Variants in MED16 observed in about 807,000 individuals in gnomAD.
MED16 encodes mediator complex subunit 16.
In MED16, 81 loss-of-function variants were observed where a neutral mutation model predicts 84.4. The observed-to-expected ratio is 0.96, with a 90% CI of 0.80 to 1.15. MED16 has a LOEUF of 1.15. Ranked by LOEUF, MED16 falls within the 50% of genes most tolerant of loss-of-function variation. The probability of loss-of-function intolerance (pLI) is 0.00; values close to 1 mark genes in which losing one functional copy is unlikely to be tolerated. For synonymous variants in MED16, 897 were observed against 552.2 expected (o/e 1.62, Z -8.76); for missense variants, 1,585 against 1,245.9 (o/e 1.27, Z -4.10).
intron 10 of MED16, among the ~76,000 whole-genome samples, chr19:874,345 C>T (rs567793288): frequency 2.6e-5 from 4 of 152,326 alleles, no homozygotes; most frequent in Admixed American, 1.3e-4. Flanking sequence ...ATCTCCTGAC[C>T]TCGTGATCAG....
At chr19:874,174 G>T (rs1037029767) in intron 10 of MED16, among the ~76,000 whole-genome samples, 5 of 151,798 alleles carry the variant, frequency 3.3e-5, no homozygotes, top group Non-Finnish European at 5.9e-5. Context: ...AGTGCAGTGG[G>T]GTGATCTCAG....
At chr19:869,424 G>C (rs948512374) in intron 13 of MED16, among the ~76,000 whole-genome samples, 1 of 151,882 alleles carries the variant, frequency 6.6e-6, no homozygotes, top group Non-Finnish European at 1.5e-5. Flanking sequence ...GGTGGGTGGG[G>C]GACCTGGGTC....
chr19:887,160 G>C (rs1013753166), intron 4 of MED16, among the ~76,000 whole-genome samples: 2 of 151,816 alleles, frequency 1.3e-5, no homozygotes, highest in African/African-American at 2.4e-5. Flanking sequence ...CATACGTATC[G>C]TACGGCTCCA....
At chr19:872,309 G>A (rs1039364407) in intron 11 of MED16, among the ~76,000 whole-genome samples, 191 bp from the exon 12 acceptor site, 1 of 151,968 alleles carries the variant, frequency 6.6e-6, no homozygotes, top group Non-Finnish European at 1.5e-5. Flanking sequence ...AGCCCTGCAG[G>A]GCCCAGGACA....
chr19:879,926 C>G lies in MED16; in HGVS notation c.1353+11G>C. 2 of 1,589,696 alleles carry G rather than the reference C, an allele frequency of 1.3e-6. No individual in the cohort carries two copies. Among genetic ancestry groups the G allele is most frequent in the Non-Finnish European group, 8.5e-7 (1 of 1,169,968 alleles). ...CCACCAGCCCCGGCCCCACGTGCCCCAGCAGCTCACCTTCCCGTGGCTGTC... is the reference window on the plus strand; with the variant it reads ...CCACCAGCCCCGGCCCCACGTGCCCGAGCAGCTCACCTTCCCGTGGCTGTC... On this transcript the variant is annotated intron_variant, in intron 8 of 15. Coordinates refer to ENST00000325464, the MANE Select transcript of MED16 (RefSeq NM_005481.3).
At position 873,429 on chromosome 19, in the gene MED16, TAGG is replaced by T; in HGVS notation, c.1905+17_1905+19del. 6.2e-7 allele frequency: 1 copy of T among 1,601,490 alleles called. No homozygotes were observed. Among genetic ancestry groups the T allele is most frequent in the East Asian group, 2.2e-5 (1 of 44,684 alleles). On this transcript the variant is annotated intron_variant, in intron 11 of 15. Transcript: ENST00000325464. Reference sequence around the variant, plus strand: ...GGGGCCCAGGTGGGGGGCGGGGCCTTAGGGGAGAGCATGGCGCACCTGGTTGGG... The same window carrying T: ...GGGGCCCAGGTGGGGGGCGGGGCCTTGGAGAGCATGGCGCACCTGGTTGGG...
intron 14 of MED16, 133 bp from the exon 15 acceptor site, chr19:868,632 C>T: frequency 7.9e-7 from 1 of 1,268,206 alleles, no homozygotes; most frequent in Non-Finnish European, 1.1e-6. Context: ...CCCCACCTGC[C>T]ACAGGGCCTC....
At chr19:890,746 C>T (rs1377166184) in intron 2 of MED16, among the ~76,000 whole-genome samples, 4 of 152,200 alleles carry the variant, frequency 2.6e-5, no homozygotes, top group South Asian at 2.1e-4. Flanking sequence ...GCACACGGGG[C>T]GATCTCATGT....
chr19:877,313 C>T lies in MED16; in HGVS notation c.1354-133G>A, dbSNP rs1297213428. 24 of 783,102 alleles carry T rather than the reference C, an allele frequency of 3.1e-5. No individual in the cohort carries two copies. In the African/African-American group the frequency reaches 3.8e-4, roughly 12 times the overall value. 48.5% of individuals were successfully genotyped at this position (783,102 alleles called of 1,614,324 possible). ...GCACGCCCGTGTGTGGGCCTGTGTG[C>T]GCGCATGTGTCTGTAGCGTCTGTAC... On this transcript the variant is annotated intron_variant, in intron 8 of 15. Transcript: ENST00000325464.
At position 890,104 on chromosome 19, in the gene MED16, G is replaced by C; in HGVS notation, c.277+33C>G. 2.0e-6 allele frequency: 3 copies of C among 1,490,598 alleles called. No homozygotes were observed. In the South Asian group the frequency reaches 3.6e-5, roughly 18 times the overall value. The allele number at this position is 1,490,598 out of a possible 1,614,324, so 92.3% of individuals were successfully genotyped here. ...GCCCCCCTGCTCCGGGATCCGGGTC[G>C]CCACCCCTGGCCACGTGGGACCAGC... On this transcript the variant is annotated intron_variant, in intron 3 of 15. Coordinates refer to ENST00000325464, the MANE Select transcript of MED16 (RefSeq NM_005481.3).
At chr19:873,951 A>G (rs914297476) in intron 10 of MED16, among the ~76,000 whole-genome samples, 3 of 152,096 alleles carry the variant, frequency 2.0e-5, no homozygotes, top group Admixed American at 6.5e-5. Flanking sequence ...GTGCAGCTGC[A>G]GCCACCCCCG....
chr19:868,913 C>T lies in MED16; in HGVS notation c.2349G>A (p.Arg783=). 6.4e-7 allele frequency: 1 copy of T among 1,551,244 alleles called. No homozygotes were observed. The highest frequency in any genetic ancestry group is 1.2e-5 in the South Asian group (1 of 84,580). Residue 783 remains arginine, a synonymous_variant, in exon 14 of 16, where the codon CGG becomes CGA. Transcript: ENST00000325464. The part of the protein sequence containing the change: ...APGQPKIDHL[R]RLHLGACPTE... Reference sequence around the variant, plus strand: ...TGGGGCAAGCGCCAAGGTGCAGCCTCCGCAGGTGGTCGATCTTGGGCTGGC... The same window carrying T: ...TGGGGCAAGCGCCAAGGTGCAGCCTTCGCAGGTGGTCGATCTTGGGCTGGC...
At chr19:885,523 A>G (rs2036507751) in intron 5 of MED16, among the ~76,000 whole-genome samples, 2 of 152,090 alleles carry the variant, frequency 1.3e-5, no homozygotes, top group African/African-American at 4.8e-5. Context: ...TGAGATTCAG[A>G]GACAGGAAGA....
Position 871,022 on chromosome 19 carries a change from C to T in MED16, c.2315+15G>A. ...GGAGTCCTGTGTTTGGGGACCAATG[C>T]AGGGACACACGCACCTGGCGAGGCC... On this transcript the variant is annotated intron_variant, in intron 13 of 15. Coordinates refer to ENST00000325464, the MANE Select transcript of MED16 (RefSeq NM_005481.3). 2 of 1,534,288 alleles carry T rather than the reference C, an allele frequency of 1.3e-6. No individual in the cohort carries two copies. Among genetic ancestry groups the T allele is most frequent in the Non-Finnish European group, 1.8e-6 (2 of 1,136,082 alleles).
Position 885,788 on chromosome 19 carries a change from G to A in MED16, c.861C>T (p.Ala287=), listed in dbSNP as rs1192289518. The A allele has an allele frequency of 6.2e-6, 10 of 1,610,298 alleles. No homozygotes were observed. The African/African-American group carries it at 9.3e-5, about 15-fold the overall frequency. ...CGTTCACCTGCTCCGACATGTCCCG[G>A]GCCAGGAACTTGAGGTGGGTGATGG... ...FPAITHLKFL[A]RDMSEQVLLC... Residue 287 remains alanine (A), a synonymous_variant, in exon 5 of 16, where the codon GCC becomes GCT. Coordinates refer to ENST00000325464, the MANE Select transcript of MED16 (RefSeq NM_005481.3).
chr19:873,323 GTAGGGGCGGGACTCCAAC>G (rs56920346), intron 11 of MED16, 108 bp downstream of exon 11: 415,503 of 920,774 alleles, frequency 0.45, 91,596 homozygotes, highest in African/African-American at 0.67. Context: ...GGGACTCCAA[GTAGGGGCGGGACTCCAAC>G]TAGGGGCGGG....
chr19:884,851 C>T, intron 6 of MED16, 52 bp downstream of exon 6: 5 of 1,459,624 alleles, frequency 3.4e-6, no homozygotes, highest in Non-Finnish European at 3.7e-6. Flanking sequence ...AAATAAAAAC[C>T]AACCGCCCCC....
Position 889,653 on chromosome 19 carries a change from G to C in MED16, c.432C>G (p.Ala144=). Reference sequence around the variant, plus strand: ...GGACACTCACCTTCTCCACGTGCAGGGCCAGTTTCACACCATTGTGCAGCC... The same window carrying C: ...GGACACTCACCTTCTCCACGTGCAGCGCCAGTTTCACACCATTGTGCAGCC... ...LSWLHNGVKL[A]LHVEKSGASS... is the part of the protein sequence containing the mutation. The change falls in exon 4 of 16, where the codon GCC becomes GCG. Residue 144 remains alanine (A), a synonymous_variant. Transcript: ENST00000325464. 1.2e-6 allele frequency: 2 copies of C among 1,611,444 alleles called. No individual in the cohort carries two copies. Among genetic ancestry groups the C allele is most frequent in the South Asian group, 2.2e-5 (2 of 90,978 alleles).
intron 8 of MED16, among the ~76,000 whole-genome samples, chr19:878,586 A>C (rs1599330319): frequency 4.9e-5 from 3 of 60,636 alleles, no homozygotes. Context: ...ATGCCCCAGC[A>C]GCTCACCTTC....
Sources: allele counts gnomAD v4.1 joint callset (sites outside exome capture counted in the v4.1 genomes callset), GRCh38; gene constraint gnomAD v4.1.1; transcripts MANE v1.5; gene names NCBI Gene and HGNC (gene_info 2026-07-23, HGNC 2026-07-21).